Variants in SETDB2 observed in about 807,000 individuals in gnomAD.
The protein encoded by SETDB2 is SET domain bifurcated histone lysine methyltransferase 2.
A neutral mutation model predicts 82.5 loss-of-function variants in SETDB2; 56 were observed. The observed-to-expected ratio is 0.68, with a 90% confidence interval of 0.55 to 0.85. The LOEUF is 0.85. SETDB2 is among the 40% of genes least tolerant of loss of function. The pLI, the probability that SETDB2 is intolerant of heterozygous loss-of-function variation, is 0.00. For missense variants in SETDB2, 677 were observed against 816.4 expected (o/e 0.83, Z 2.08); for synonymous variants, 272 against 284.9 (o/e 0.95, Z 0.46).
chr13:49,480,220 A>G lies in SETDB2; in HGVS notation c.871A>G (p.Thr291Ala). 3.8e-6 allele frequency: 6 copies of G among 1,599,800 alleles called. No homozygotes were observed. Among genetic ancestry groups the G allele is most frequent in the Middle Eastern group, 3.3e-4 (2 of 6,012 alleles). The change falls in exon 7 of 14, where the codon ACA (threonine) becomes GCA (alanine). Residue 291 changes from threonine (T) to alanine (A), a missense_variant and splice_region_variant. Thr to Ala is a moderately conservative substitution (Grantham distance 58, BLOSUM62 0). This residue lies in a region of SETDB2 where 420 missense variants were observed against 554.6 expected (regional missense o/e 0.76). Coordinates refer to ENST00000611815, the MANE Select transcript of SETDB2 (RefSeq NM_001160308.3). ...CDCSEGCIDI[T>A]KCACLQLTAR... is the part of the protein sequence containing the mutation. ...CTCCATCCATTGCCTGCCTTTTAGA[A>G]CAAAATGTGCATGTCTTCAACTGAC... is the stretch of plus-strand genomic sequence containing the variant.
At chr13:49,484,358 C>T (rs1173835964) in intron 10 of SETDB2, among the ~76,000 whole-genome samples, 1 of 152,212 alleles carries the variant, frequency 6.6e-6, no homozygotes, top group Non-Finnish European at 1.5e-5. Context: ...CAACCTCTGC[C>T]TCCTGGGTTC....
intron 2 of SETDB2, among the ~76,000 whole-genome samples, chr13:49,453,721 TACGC>T (rs927116658): frequency 6.6e-6 from 1 of 152,214 alleles, no homozygotes; most frequent in African/African-American, 2.4e-5. Flanking sequence ...GTATATTTCT[TACGC>T]ATCTTAGAGT....
intron 5 of SETDB2, among the ~76,000 whole-genome samples, chr13:49,474,329 A>G (rs763905500): frequency 7.2e-5 from 11 of 152,220 alleles, no homozygotes; most frequent in Non-Finnish European, 1.3e-4. Flanking sequence ...CTGAAATCCA[A>G]AAGCATCAAG....
chr13:49,477,400 A>AC (rs1958389655), intron 6 of SETDB2, among the ~76,000 whole-genome samples: 1 of 152,120 alleles, frequency 6.6e-6, no homozygotes, highest in East Asian at 1.9e-4. Context: ...CACACACTGT[A>AC]CCAGAGGCCT....
At chr13:49,463,471 AG>A (rs1488060184) in intron 4 of SETDB2, among the ~76,000 whole-genome samples, 1 of 152,120 alleles carries the variant, frequency 6.6e-6, no homozygotes, top group East Asian at 1.9e-4. Flanking sequence ...TTTATACACA[AG>A]GGGGTGGGCT....
chr13:49,483,609 ATTTTTTTTTTTTTTTT>A (rs745508872), intron 10 of SETDB2, 46 bp downstream of exon 10: 407 of 220,388 alleles, frequency 1.8e-3, no homozygotes, highest in African/African-American at 5.1e-3. Flanking sequence ...TCTTTTTTAA[ATTTTTTTTTTTTTTTT>A]TTTTTTTTTT....
intron 5 of SETDB2, among the ~76,000 whole-genome samples, chr13:49,470,305 A>G (rs1199609199): frequency 6.6e-6 from 1 of 152,170 alleles, no homozygotes; most frequent in Non-Finnish European, 1.5e-5. Context: ...ATCTTTTCAG[A>G]TGAAGGGACA....
chr13:49,478,592 T>C (rs571898918), intron 6 of SETDB2, among the ~76,000 whole-genome samples: 1 of 152,104 alleles, frequency 6.6e-6, no homozygotes, highest in Non-Finnish European at 1.5e-5. Context: ...GAGGTAAATG[T>C]TGAATCTAAT....
chr13:49,453,409 G>C (rs1396122600), intron 2 of SETDB2, among the ~76,000 whole-genome samples: 1 of 151,520 alleles, frequency 6.6e-6, no homozygotes, highest in Non-Finnish European at 1.5e-5. Context: ...CAATTCTCTT[G>C]CCTCAGCCTC....
Position 49,492,008 on chromosome 13 carries a change from A to G in SETDB2, c.*159A>G. 1 of 702,752 alleles carries G rather than the reference A, an allele frequency of 1.4e-6. No individual in the cohort carries two copies. Among genetic ancestry groups the G allele is most frequent in the Admixed American group, 1.9e-5 (1 of 52,232 alleles). The allele number at this position is 702,752 out of a possible 1,614,324, so 43.5% of individuals were successfully genotyped here. On this transcript the variant is annotated 3_prime_UTR_variant, in exon 14 of 14. Coordinates refer to ENST00000611815, the MANE Select transcript of SETDB2 (RefSeq NM_001160308.3). ...TTTATTTGTGTGACTTAGAAATTCC[A>G]GGAACACAATTAGGATATTTTCATA... is the stretch of plus-strand genomic sequence containing the variant.
intron 6 of SETDB2, among the ~76,000 whole-genome samples, chr13:49,479,034 CATT>C (rs1221881234): frequency 6.6e-6 from 1 of 152,032 alleles, no homozygotes; most frequent in Non-Finnish European, 1.5e-5. Context: ...GTCTCAAAAA[CATT>C]ATATTGAACA....
At chr13:49,463,473 G>T (rs1439386804) in intron 4 of SETDB2, among the ~76,000 whole-genome samples, 1 of 152,150 alleles carries the variant, frequency 6.6e-6, no homozygotes, top group Non-Finnish European at 1.5e-5. Context: ...TATACACAAG[G>T]GGGTGGGCTA....
Position 49,493,750 on chromosome 13 carries a change from C to G in SETDB2, c.*1901C>G, listed in dbSNP as rs1444021643. The G allele has an allele frequency of 1.3e-5, 2 of 152,256 alleles. No homozygotes were observed. The highest frequency in any genetic ancestry group is 4.8e-5 in the African/African-American group (2 of 41,462). The allele number at this position is 152,256 out of a possible 1,614,324, so 9.4% of individuals were successfully genotyped here. A position where few individuals can be genotyped will look rare whatever the true frequency, so the allele number is the denominator to read the frequency against. The stretch of plus-strand genomic sequence containing the variant: ...TCTCCATGCCCAGTTTTGAAGACAT[C>G]TGCTAGCTTTCAGTGCTGTTGCTGT... On this transcript the variant is annotated 3_prime_UTR_variant, in exon 14 of 14. Coordinates refer to ENST00000611815, the MANE Select transcript of SETDB2 (RefSeq NM_001160308.3).
At chr13:49,452,160 G>C (rs1431195564) in intron 2 of SETDB2, among the ~76,000 whole-genome samples, 1 of 150,488 alleles carries the variant, frequency 6.6e-6, no homozygotes, top group Non-Finnish European at 1.5e-5. Context: ...CGCCCAGGCT[G>C]TAGTGCAGTA....
At chr13:49,486,708 T>C (rs2138986869) in intron 11 of SETDB2, among the ~76,000 whole-genome samples, 1 of 152,362 alleles carries the variant, frequency 6.6e-6, no homozygotes, top group South Asian at 2.1e-4. Context: ...GGCTAAAATA[T>C]TGCCACCCTG....
intron 12 of SETDB2, among the ~76,000 whole-genome samples, chr13:49,490,498 T>A (rs1487848665): frequency 6.6e-6 from 1 of 152,138 alleles, no homozygotes; most frequent in African/African-American, 2.4e-5. Context: ...TGGAAACATA[T>A]ACAGATGAAT....
At chr13:49,461,707 T>TG (rs1957996824) in intron 4 of SETDB2, among the ~76,000 whole-genome samples, 2 of 152,296 alleles carry the variant, frequency 1.3e-5, no homozygotes, top group South Asian at 4.1e-4. Context: ...CACCAATGGA[T>TG]GTTGTATTCT....
chr13:49,463,792 A>T (rs931654770), intron 4 of SETDB2, among the ~76,000 whole-genome samples: 5 of 152,206 alleles, frequency 3.3e-5, no homozygotes, highest in African/African-American at 1.2e-4. Context: ...CTATACACTC[A>T]TACCATAAGA....
chr13:49,447,117 G>A (rs1184012141), intron 1 of SETDB2, among the ~76,000 whole-genome samples: 3 of 152,094 alleles, frequency 2.0e-5, no homozygotes, highest in East Asian at 1.9e-4. Flanking sequence ...TAAGATTGAA[G>A]TGTCTATTAT....
Sources: gnomAD v4.1 joint callset for allele counts (sites outside exome capture counted in the v4.1 genomes callset) on GRCh38, gnomAD v4.1.1 for gene constraint, gnomAD v4.1.1 regional missense constraint, MANE v1.5 for transcripts, NCBI Gene and HGNC (gene_info 2026-07-23, HGNC 2026-07-21) for gene names.